CNTN1: variants seen among roughly 807,000 people sequenced by gnomAD.
The protein encoded by CNTN1 is contactin 1.
In CNTN1, 38 loss-of-function variants were observed where a neutral mutation model predicts 126.4. That is an observed-to-expected ratio of 0.30 (90% CI 0.23 to 0.39). CNTN1 has a LOEUF of 0.39. Ranked by LOEUF, CNTN1 falls within the 10% of genes least tolerant of loss-of-function variation. CNTN1 has a pLI of 1.00. For synonymous variants in CNTN1, 413 were observed against 422.6 expected, an observed-to-expected ratio of 0.98 and a Z score of 0.28; for missense variants, 1,009 against 1,248.4, an observed-to-expected ratio of 0.81 and a Z score of 2.89.
intron 1 of CNTN1, among the ~76,000 whole-genome samples, chr12:40,727,853 G>A (rs1042517976): frequency 3.3e-5 from 5 of 152,160 alleles, no homozygotes; most frequent in African/African-American, 4.8e-5. Flanking sequence ...TGTAAGTAAG[G>A]GAAATAGAAT....
At chr12:41,011,355 A>G (rs1391797097) in intron 17 of CNTN1, among the ~76,000 whole-genome samples, 3 of 152,200 alleles carry the variant, frequency 2.0e-5, no homozygotes, top group African/African-American at 7.2e-5. Flanking sequence ...TTTTCTTCAA[A>G]GTCTCAGGAT....
At chr12:41,013,468 A>G (rs1948713046) in intron 17 of CNTN1, among the ~76,000 whole-genome samples, 1 of 151,934 alleles carries the variant, frequency 6.6e-6, no homozygotes, top group African/African-American at 2.4e-5. Context: ...TGCCTCAGTG[A>G]TTTCTTCTTA....
chr12:41,033,134 A>T (rs1470199327), intron 23 of CNTN1, among the ~76,000 whole-genome samples: 1 of 152,194 alleles, frequency 6.6e-6, no homozygotes, highest in Admixed American at 6.5e-5. Context: ...AGATTTGATT[A>T]TCTGTAACTG....
chr12:40,767,656 C>T (rs912613086), intron 1 of CNTN1, among the ~76,000 whole-genome samples: 2 of 149,784 alleles, frequency 1.3e-5, no homozygotes, highest in Non-Finnish European at 3.0e-5. Flanking sequence ...TTGTTTGAGA[C>T]GGCGTCTTGC....
At chr12:40,888,911 T>G (rs537909309) in intron 1 of CNTN1, among the ~76,000 whole-genome samples, 2 of 152,226 alleles carry the variant, frequency 1.3e-5, no homozygotes, top group Non-Finnish European at 2.9e-5. Flanking sequence ...GGGATACTCA[T>G]GTAAAGAACA....
chr12:40,731,989 T>A (rs1942511904), intron 1 of CNTN1, among the ~76,000 whole-genome samples: 1 of 152,034 alleles, frequency 6.6e-6, no homozygotes, highest in Non-Finnish European at 1.5e-5. Context: ...GCATTTGGTT[T>A]TGGTAATCAT....
At position 41,072,094 on chromosome 12, in the gene CNTN1, C is replaced by T. The variant is rs188841474; in HGVS notation, c.*2059C>T. ...TAAAATCTCTCGTACACTGATAACT[C>T]AAGCTTTTCATTTTCTCATACAGTT... On this transcript the variant is annotated 3_prime_UTR_variant, in exon 24 of 24. Transcript: ENST00000551295. The T allele has an allele frequency of 1.3e-5, 2 of 152,288 alleles. No individual in the cohort carries two copies. Among genetic ancestry groups the T allele is most frequent in the Non-Finnish European group, 2.9e-5 (2 of 68,014 alleles). 9.4% of individuals were successfully genotyped at this position (152,288 alleles called of 1,614,324 possible). A position where few individuals can be genotyped will look rare whatever the true frequency, so the allele number is the denominator to read the frequency against.
chr12:40,727,524 T>G lies in CNTN1; in HGVS notation c.-77+34932T>G, dbSNP rs187586278. On this transcript the variant is annotated intron_variant, in intron 1 of 23. Coordinates refer to ENST00000551295, the MANE Select transcript of CNTN1 (RefSeq NM_001843.4). ...AACACTATTATAAATACAAGGAGAT[T>G]CAAATGATAAATAATATAAACATAT... Among the ~76,000 whole-genome samples the G allele has an allele frequency of 7.6e-4, 116 of 152,110 alleles. 1 individual carries two copies. In the East Asian group the frequency reaches 0.01, roughly 13 times the overall value.
At chr12:40,917,062 G>GGGGTT (rs35466343) in intron 3 of CNTN1, among the ~76,000 whole-genome samples, 2 of 102,490 alleles carry the variant, frequency 2.0e-5, no homozygotes, top group East Asian at 6.3e-4. Flanking sequence ...TGGTGGGGGC[G>GGGGTT]GGGGGGGGGG....
At chr12:41,027,678 A>G (rs550566899) in intron 21 of CNTN1, among the ~76,000 whole-genome samples, 179 bp from the exon 22 acceptor site, 3 of 152,204 alleles carry the variant, frequency 2.0e-5, no homozygotes, top group South Asian at 4.1e-4. Flanking sequence ...GCCATGGGGT[A>G]CATTAAATGG....
chr12:41,032,355 G>A (rs891408248), intron 23 of CNTN1, among the ~76,000 whole-genome samples: 31 of 141,392 alleles, frequency 2.2e-4, no homozygotes, highest in Non-Finnish European at 4.4e-4. Flanking sequence ...GCGACAGAGC[G>A]AGACTCCGTC....
intron 23 of CNTN1, among the ~76,000 whole-genome samples, chr12:41,059,183 A>G (rs1206907134): frequency 6.6e-6 from 1 of 151,696 alleles, no homozygotes; most frequent in Admixed American, 6.6e-5. Flanking sequence ...CCAAATCTTA[A>G]TGCCCTTAAT....
rs1362518465 is a variant in CNTN1 at position 40,922,576 on chromosome 12, A to G, written c.400+148A>G. 33 of 730,834 alleles carry G rather than the reference A, an allele frequency of 4.5e-5. No individual in the cohort carries two copies. The South Asian group carries it at 4.8e-4, about 11-fold the overall frequency. 45.3% of individuals were successfully genotyped at this position (730,834 alleles called of 1,614,324 possible). ...GGACCCTAATTGTGTAATGGAGACA[A>G]CAAAGCACCACAAGGCATACTATGA... On this transcript the variant is annotated intron_variant, in intron 5 of 23. Coordinates refer to ENST00000551295, the MANE Select transcript of CNTN1 (RefSeq NM_001843.4).
At chr12:41,001,827 C>A (rs2120601965) in intron 17 of CNTN1, among the ~76,000 whole-genome samples, 1 of 152,310 alleles carries the variant, frequency 6.6e-6, no homozygotes, top group East Asian at 1.9e-4. Context: ...GGTCCAATTT[C>A]AATCTTCTGC....
chr12:40,736,210 G>T (rs1045622486), intron 1 of CNTN1, among the ~76,000 whole-genome samples: 4 of 151,900 alleles, frequency 2.6e-5, no homozygotes, highest in Non-Finnish European at 5.9e-5. Context: ...AGTGTAAAAG[G>T]TATATAAATT....
chr12:40,951,249 G>A lies in CNTN1; in HGVS notation c.1683+7079G>A, dbSNP rs911076428. 1.2e-4 allele frequency among the ~76,000 whole-genome samples: 19 copies of A among 152,018 alleles called. No individual in the cohort carries two copies. In the East Asian group the frequency reaches 1.5e-3, roughly 12 times the overall value. On this transcript the variant is annotated intron_variant, in intron 14 of 23. Transcript: ENST00000551295. ...ATTGGACTCTTCAGCTGTCATTCTC[G>A]TTGTTTATTACATACAAAAATAGCC...
intron 1 of CNTN1, among the ~76,000 whole-genome samples, chr12:40,826,547 C>T (rs1436339039): frequency 6.6e-6 from 1 of 152,176 alleles, no homozygotes; most frequent in Non-Finnish European, 1.5e-5. Flanking sequence ...GCATCTTTAT[C>T]AGTCAAGTGC....
intron 23 of CNTN1, among the ~76,000 whole-genome samples, chr12:41,067,481 G>C (rs1361015331): frequency 1.3e-5 from 2 of 152,082 alleles, no homozygotes; most frequent in Non-Finnish European, 2.9e-5. Flanking sequence ...GACAAAAAAG[G>C]CTTCAGAATG....
intron 1 of CNTN1, among the ~76,000 whole-genome samples, chr12:40,848,478 T>A (rs77830399): frequency 0.017 from 2,537 of 152,276 alleles, 71 homozygotes; most frequent in African/African-American, 0.056. Context: ...TAATGAAAAA[T>A]TAAGTAGGTG....
Sources: gnomAD v4.1 joint callset for allele counts (sites outside exome capture counted in the v4.1 genomes callset) on GRCh38, gnomAD v4.1.1 for gene constraint, MANE v1.5 for transcripts, NCBI Gene and HGNC (gene_info 2026-07-23, HGNC 2026-07-21) for gene names.